The following FHOD3 variants were observed in gnomAD, a reference collection of about 807,000 sequenced individuals.
FHOD3 encodes the protein FH1/FH2 domain-containing protein 3.
A neutral mutation model predicts 173.0 loss-of-function variants in FHOD3; 90 were observed. The ratio of observed to expected loss-of-function variants is 0.52; its 90% CI spans 0.44 to 0.62. The LOEUF (loss-of-function observed/expected upper bound fraction) is 0.62. Ranked by LOEUF, FHOD3 falls within the 20% of genes least tolerant of loss-of-function variation. FHOD3 has a pLI of 0.00. For synonymous variants in FHOD3, 828 were observed against 823.0 expected (o/e 1.01, Z -0.10); for missense variants, 1,945 against 2,034.7 (o/e 0.96, Z 0.85).
chr18:36,666,948 C>A (rs976322188), intron 14 of FHOD3, among the ~76,000 whole-genome samples: 1 of 152,182 alleles, frequency 6.6e-6, no homozygotes, highest in Non-Finnish European at 1.5e-5. Context: ...AACCACTGAT[C>A]TGCTTCTTCA....
intron 3 of FHOD3, among the ~76,000 whole-genome samples, chr18:36,496,603 G>A (rs1262312707): frequency 2.0e-5 from 3 of 152,214 alleles, no homozygotes; most frequent in Non-Finnish European, 2.9e-5. Context: ...TCTTTGTAGA[G>A]AGAGAATGTA....
At chr18:36,593,499 A>G (rs1006936316) in intron 6 of FHOD3, among the ~76,000 whole-genome samples, 1 of 152,138 alleles carries the variant, frequency 6.6e-6, no homozygotes, top group African/African-American at 2.4e-5. Flanking sequence ...TTTTTAAGCT[A>G]TTCCCTGTGG....
chr18:36,472,253 G>A (rs542826291), intron 3 of FHOD3, among the ~76,000 whole-genome samples: 2 of 152,294 alleles, frequency 1.3e-5, no homozygotes, highest in African/African-American at 4.8e-5. Flanking sequence ...TTTGTGTGAG[G>A]AAGCCTGTTA....
At chr18:36,364,041 C>T (rs1373514887) in intron 2 of FHOD3, among the ~76,000 whole-genome samples, 1 of 152,050 alleles carries the variant, frequency 6.6e-6, no homozygotes, top group Non-Finnish European at 1.5e-5. Context: ...GGAACCTGGG[C>T]TTGTTTTATC....
chr18:36,676,606 T>A (rs976809449), intron 14 of FHOD3, among the ~76,000 whole-genome samples: 4 of 152,240 alleles, frequency 2.6e-5, no homozygotes, highest in African/African-American at 9.6e-5. Flanking sequence ...AGTGTTTTTT[T>A]TTCCAAAATG....
intron 24 of FHOD3, among the ~76,000 whole-genome samples, chr18:36,749,717 C>T (rs2042319569): frequency 6.6e-6 from 1 of 152,100 alleles, no homozygotes. Flanking sequence ...ATTGCTGGGT[C>T]GAATGGAAGT....
chr18:36,573,207 G>A (rs16967980), intron 5 of FHOD3, among the ~76,000 whole-genome samples: 44,419 of 149,640 alleles, frequency 0.3, 6,913 homozygotes, highest in African/African-American at 0.39. Context: ...CGATGCTCAT[G>A]TTAGAAAGCT....
At chr18:36,381,864 A>G (rs904495364) in intron 3 of FHOD3, among the ~76,000 whole-genome samples, 3 of 152,240 alleles carry the variant, frequency 2.0e-5, no homozygotes, top group African/African-American at 4.8e-5. Flanking sequence ...ACGCCATGGT[A>G]TCACCTCAAA....
intron 14 of FHOD3, among the ~76,000 whole-genome samples, chr18:36,664,840 A>AAAAATGT (rs139398346): frequency 0.027 from 3,931 of 146,904 alleles, 123 homozygotes; most frequent in Non-Finnish European, 0.034. Flanking sequence ...TCTCCTTCAG[A>AAAAATGT]AAAATGTATT....
chr18:36,475,280 G>A (rs1271069882), intron 3 of FHOD3, among the ~76,000 whole-genome samples: 1 of 152,020 alleles, frequency 6.6e-6, no homozygotes, highest in Non-Finnish European at 1.5e-5. Context: ...TTAGCAGCTT[G>A]GTGTCACTCT....
At chr18:36,647,531 T>A (rs1409926924) in intron 10 of FHOD3, among the ~76,000 whole-genome samples, 3 of 152,188 alleles carry the variant, frequency 2.0e-5, no homozygotes, top group Admixed American at 6.5e-5. Context: ...ATCATTTTTT[T>A]AAATGGCAGT....
chr18:36,469,787 C>T (rs2053170119), intron 3 of FHOD3, among the ~76,000 whole-genome samples: 1 of 144,018 alleles, frequency 6.9e-6, no homozygotes, highest in Non-Finnish European at 1.5e-5. Context: ...TGGGCGCTAG[C>T]AAGCCCTAGG....
chr18:36,650,330 G>T (rs1168944347), intron 11 of FHOD3, among the ~76,000 whole-genome samples: 1 of 152,064 alleles, frequency 6.6e-6, no homozygotes, highest in Non-Finnish European at 1.5e-5. Context: ...CAGGCTAGCA[G>T]TGCACACAGA....
chr18:36,751,762 G>A (rs748182904), intron 24 of FHOD3, among the ~76,000 whole-genome samples: 13 of 152,040 alleles, frequency 8.6e-5, no homozygotes, highest in African/African-American at 2.9e-4. Context: ...ATTCTTAAAC[G>A]TGCATATTAA....
At chr18:36,447,388 GT>G (rs1334778346) in intron 3 of FHOD3, among the ~76,000 whole-genome samples, 2 of 152,166 alleles carry the variant, frequency 1.3e-5, no homozygotes, top group Non-Finnish European at 2.9e-5. Flanking sequence ...GGGACATGAC[GT>G]GTGATTGGGC....
chr18:36,549,886 A>C (rs2057572418), intron 5 of FHOD3, among the ~76,000 whole-genome samples: 1 of 151,630 alleles, frequency 6.6e-6, no homozygotes, highest in African/African-American at 2.4e-5. Context: ...ACTTAAGGTC[A>C]CAAAGATTTA....
chr18:36,411,067 A>G (rs1278005417), intron 3 of FHOD3, among the ~76,000 whole-genome samples: 1 of 152,120 alleles, frequency 6.6e-6, no homozygotes, highest in African/African-American at 2.4e-5. Context: ...TTAGTTTTAT[A>G]TCTAAGAAAT....
intron 5 of FHOD3, among the ~76,000 whole-genome samples, chr18:36,515,877 C>G (rs1165117798): frequency 6.6e-6 from 1 of 152,210 alleles, no homozygotes; most frequent in Non-Finnish European, 1.5e-5. Context: ...TTCCACAGAA[C>G]AGAGGTGCCT....
chr18:36,366,890 A>T, intron 2 of FHOD3, among the ~76,000 whole-genome samples: 1 of 152,170 alleles, frequency 6.6e-6, no homozygotes. Context: ...CCTTGACTGA[A>T]ACTATAGTTT....
Sources: gnomAD v4.1 joint callset for allele counts (sites outside exome capture counted in the v4.1 genomes callset) on GRCh38, gnomAD v4.1.1 for gene constraint, MANE v1.5 for transcripts, NCBI Gene and HGNC (gene_info 2026-07-23, HGNC 2026-07-21) for gene names.